CNTN4: variants seen among roughly 807,000 people sequenced by gnomAD.
The protein encoded by CNTN4 is contactin-4.
A neutral mutation model predicts 122.5 loss-of-function variants in CNTN4; 77 were observed. The observed-to-expected ratio is 0.63, with a 90% CI of 0.52 to 0.76. The LOEUF is 0.76. Ranked by LOEUF, CNTN4 falls within the 30% of genes least tolerant of loss-of-function variation. The probability of loss-of-function intolerance (pLI) is 0.00; values close to 1 mark genes in which losing one functional copy is unlikely to be tolerated. For synonymous variants in CNTN4, 512 were observed against 447.0 expected, an observed-to-expected ratio of 1.15 and a Z score of -1.83; for missense variants, 1,256 against 1,259.1, an observed-to-expected ratio of 1.00 and a Z score of 0.04.
chr3:2,415,644 G>A (rs563460182), intron 3 of CNTN4, among the ~76,000 whole-genome samples: 1 of 152,168 alleles, frequency 6.6e-6, no homozygotes, highest in East Asian at 1.9e-4. Flanking sequence ...GTTTGGCTTT[G>A]GTCTGCTAAT....
At chr3:2,437,405 C>T (rs1358467339) in intron 3 of CNTN4, among the ~76,000 whole-genome samples, 1 of 152,108 alleles carries the variant, frequency 6.6e-6, no homozygotes, top group Non-Finnish European at 1.5e-5. Flanking sequence ...TGATGAATGA[C>T]AGATTTTTAC....
At chr3:2,779,401 G>GT (rs1297960677) in intron 6 of CNTN4, among the ~76,000 whole-genome samples, 2 of 152,152 alleles carry the variant, frequency 1.3e-5, no homozygotes, top group African/African-American at 4.8e-5. Context: ...GTTTCACCAT[G>GT]TTGCCCAGGC....
intron 4 of CNTN4, among the ~76,000 whole-genome samples, chr3:2,573,098 G>C (rs915783483): frequency 1.3e-5 from 2 of 152,160 alleles, no homozygotes; most frequent in Non-Finnish European, 2.9e-5. Flanking sequence ...GTCGAGCTAA[G>C]ATGTAAACCG....
Position 3,035,773 on chromosome 3 carries a change from G to A in CNTN4, c.1942+983G>A, listed in dbSNP as rs573984291. Among the ~76,000 whole-genome samples the A allele has an allele frequency of 4.9e-4, 74 of 152,166 alleles. 2 individuals carry two copies. In the South Asian group the frequency reaches 9.1e-3, roughly 19 times the overall value. On this transcript the variant is annotated intron_variant, in intron 17 of 24. Coordinates refer to ENST00000418658, the MANE Select transcript of CNTN4 (RefSeq NM_175607.3). The stretch of plus-strand genomic sequence containing the variant: ...AGGTCTTGCTATGTTGCTTAGGCTG[G>A]TCTCAAACTCCTGCGCTCAAGCAAT...
chr3:2,292,961 GA>G (rs2042187125), intron 2 of CNTN4, among the ~76,000 whole-genome samples: 1 of 152,206 alleles, frequency 6.6e-6, no homozygotes, highest in Non-Finnish European at 1.5e-5. Flanking sequence ...ATATTCATTA[GA>G]AACTGCCAAG....
intron 13 of CNTN4, among the ~76,000 whole-genome samples, chr3:2,932,239 G>C (rs184466572): frequency 2.0e-5 from 3 of 152,044 alleles, no homozygotes; most frequent in African/African-American, 4.8e-5. Flanking sequence ...TTAGCCGGGC[G>C]TGGTGGTGGG....
chr3:2,572,329 T>A (rs2079459602), intron 4 of CNTN4, among the ~76,000 whole-genome samples: 1 of 152,078 alleles, frequency 6.6e-6, no homozygotes, highest in African/African-American at 2.4e-5. Context: ...AAGGTTGCAG[T>A]GAGCCGAGAT....
intron 7 of CNTN4, among the ~76,000 whole-genome samples, chr3:2,839,431 G>A (rs2093303436): frequency 6.6e-6 from 1 of 151,830 alleles, no homozygotes; most frequent in Non-Finnish European, 1.5e-5. Context: ...AAAAAAGACA[G>A]TGGGAATCAC....
chr3:2,330,611 G>C (rs957556746), intron 2 of CNTN4, among the ~76,000 whole-genome samples: 1 of 30,868 alleles, frequency 3.2e-5, no homozygotes, highest in South Asian at 1.9e-3. Context: ...ATTTTATAAG[G>C]GAGGCATTTA....
At chr3:3,039,104 A>G in intron 19 of CNTN4, 101 bp downstream of exon 19, 1 of 1,043,156 alleles carries the variant, frequency 9.6e-7, no homozygotes, top group South Asian at 1.4e-5. Context: ...CTCTGTTTTT[A>G]ACAGTGAAAA....
At chr3:2,241,158 G>C (rs143100193) in intron 2 of CNTN4, among the ~76,000 whole-genome samples, 14 of 152,248 alleles carry the variant, frequency 9.2e-5, no homozygotes, top group African/African-American at 3.4e-4. Flanking sequence ...TTTATTGTTT[G>C]TTACTTATTG....
intron 3 of CNTN4, among the ~76,000 whole-genome samples, chr3:2,535,035 A>C (rs1223347889): frequency 6.6e-6 from 1 of 152,206 alleles, no homozygotes; most frequent in African/African-American, 2.4e-5. Flanking sequence ...CATAATAGCA[A>C]GAATTGACTC....
chr3:2,594,448 T>C (rs2080663275), intron 4 of CNTN4, among the ~76,000 whole-genome samples: 1 of 150,316 alleles, frequency 6.7e-6, no homozygotes, highest in African/African-American at 2.5e-5. Context: ...AGACAGAGTC[T>C]TGCTTTGTCA....
intron 4 of CNTN4, among the ~76,000 whole-genome samples, chr3:2,581,651 C>T (rs894699719): frequency 2.0e-5 from 3 of 152,124 alleles, no homozygotes; most frequent in Admixed American, 6.5e-5. Flanking sequence ...TAAAGTTTTT[C>T]CAGAGAACCT....
chr3:2,736,959 T>G (rs1269659109), intron 5 of CNTN4, among the ~76,000 whole-genome samples: 1 of 152,042 alleles, frequency 6.6e-6, no homozygotes, highest in Non-Finnish European at 1.5e-5. Context: ...AATCTTTGTA[T>G]TTTTAGCAGA....
At chr3:2,887,719 G>A (rs892609474) in intron 10 of CNTN4, among the ~76,000 whole-genome samples, 1 of 152,082 alleles carries the variant, frequency 6.6e-6, no homozygotes, top group Non-Finnish European at 1.5e-5. Flanking sequence ...TATCAGAGTG[G>A]AACGTGACAA....
At chr3:2,554,586 A>AGTGG (rs2149383274) in intron 3 of CNTN4, among the ~76,000 whole-genome samples, 1 of 152,234 alleles carries the variant, frequency 6.6e-6, no homozygotes, top group East Asian at 1.9e-4. Flanking sequence ...TTTTCTTGTA[A>AGTGG]GTGGGTAGGT....
At chr3:2,341,768 C>T (rs1051829360) in intron 3 of CNTN4, among the ~76,000 whole-genome samples, 1 of 152,140 alleles carries the variant, frequency 6.6e-6, no homozygotes, top group African/African-American at 2.4e-5. Flanking sequence ...TAACTTGTTG[C>T]CAGCACTTAA....
At chr3:2,527,436 T>TTGCTGCTGC (rs2077438831) in intron 3 of CNTN4, among the ~76,000 whole-genome samples, 1 of 150,332 alleles carries the variant, frequency 6.7e-6, no homozygotes, top group African/African-American at 2.5e-5. Flanking sequence ...GCTGCTGCTG[T>TTGCTGCTGC]TGCTGTTATT....
Sources: allele counts gnomAD v4.1 joint callset (sites outside exome capture counted in the v4.1 genomes callset), GRCh38; gene constraint gnomAD v4.1.1; transcripts MANE v1.5; gene names NCBI Gene and HGNC (gene_info 2026-07-23, HGNC 2026-07-21).